Variants in PCDHA2 observed in about 807,000 individuals in gnomAD.
The protein encoded by PCDHA2 is protocadherin alpha 2.
In PCDHA2, 58 loss-of-function variants were observed where a neutral mutation model predicts 66.0. The observed-to-expected ratio is 0.88, with a 90% CI of 0.71 to 1.09. The LOEUF (loss-of-function observed/expected upper bound fraction) is 1.09, where lower values mean the gene tolerates loss of function less well. Among genes scored for constraint, PCDHA2 ranks in the 50% least tolerant of loss-of-function variants. The pLI is 0.00. For synonymous variants in PCDHA2, 634 were observed against 554.0 expected, an observed-to-expected ratio of 1.14 and a Z score of -2.03; for missense variants, 1,267 against 1,242.3, an observed-to-expected ratio of 1.02 and a Z score of -0.30.
In PCDHA2 at chr5:140,795,346, G is replaced by A; in HGVS notation, c.382G>A (p.Asp128Asn). ...HVEVEVKDIN[D>N]NPPIFPMTVK... ...GGAAGTGGAGGTGAAGGACATTAAC[G>A]ACAACCCGCCAATATTTCCAATGAC... is the stretch of plus-strand genomic sequence containing the variant. Residue 128 changes from aspartate to asparagine, a missense_variant, in exon 1 of 4, where the codon GAC becomes AAC. Coordinates refer to ENST00000526136, the MANE Select transcript of PCDHA2 (RefSeq NM_018905.3). 6.2e-7 allele frequency: 1 copy of A among 1,614,176 alleles called. No homozygotes were observed.
Position 140,853,860 on chromosome 5 carries a change from C to T in PCDHA2, c.2388+56508C>T, listed in dbSNP as rs2042890748. The T allele has an allele frequency of 9.1e-6, 9 of 984,410 alleles. No individual in the cohort carries two copies. In the South Asian group the frequency reaches 3.3e-4, roughly 36 times the overall value. The allele number at this position is 984,410 out of a possible 1,614,324, so 61.0% of individuals were successfully genotyped here. On this transcript the variant is annotated intron_variant, in intron 1 of 3. Coordinates refer to ENST00000526136, the MANE Select transcript of PCDHA2 (RefSeq NM_018905.3). ...TTTAGATCCATAGCCCTATTTGATA[C>T]TTGACAGTGCAAGTTTCTGTAATTT...
At chr5:140,926,573 A>C in intron 1 of PCDHA2, 2 of 265,974 alleles carry the variant, frequency 7.5e-6, no homozygotes. Context: ...TACTGGAGAC[A>C]GCACCTCTCG....
intron 3 of PCDHA2, among the ~76,000 whole-genome samples, chr5:141,000,421 ATTTTTTTT>A (rs34755515): frequency 1.4e-4 from 4 of 27,978 alleles, no homozygotes; most frequent in African/African-American, 7.1e-4. Flanking sequence ...ATATATATAT[ATTTTTTTT>A]TTTTTTTTTT....
chr5:140,954,383 T>C (rs1333017700), intron 1 of PCDHA2, among the ~76,000 whole-genome samples: 6 of 152,208 alleles, frequency 3.9e-5, no homozygotes, highest in African/African-American at 1.4e-4. Context: ...ATGAGTGAAC[T>C]AATTTACAAC....
chr5:140,961,694 G>A (rs1554225551), intron 1 of PCDHA2, among the ~76,000 whole-genome samples: 2 of 152,152 alleles, frequency 1.3e-5, no homozygotes, highest in Non-Finnish European at 2.9e-5. Flanking sequence ...GTAGTCCTTA[G>A]TATGAATGCC....
chr5:140,901,852 T>G (rs1184166361), intron 1 of PCDHA2, among the ~76,000 whole-genome samples: 3 of 152,206 alleles, frequency 2.0e-5, no homozygotes, highest in Non-Finnish European at 4.4e-5. Flanking sequence ...TCTTTCCATT[T>G]TTTTGTGTCC....
At chr5:140,805,994 A>G (rs1172638535) in intron 1 of PCDHA2, among the ~76,000 whole-genome samples, 1 of 152,196 alleles carries the variant, frequency 6.6e-6, no homozygotes, top group Non-Finnish European at 1.5e-5. Flanking sequence ...TATTCCAAAA[A>G]AGGACACACA....
At chr5:140,875,457 G>T in intron 1 of PCDHA2, 3 of 1,595,968 alleles carry the variant, frequency 1.9e-6, no homozygotes, top group Non-Finnish European at 2.6e-6. Flanking sequence ...CAACTCAGAG[G>T]CCCTCATTTT....
chr5:140,795,516 A>C lies in PCDHA2; in HGVS notation c.552A>C (p.Ala184=). The C allele has an allele frequency of 6.2e-7, 1 of 1,614,198 alleles. No homozygotes were observed. Among genetic ancestry groups the C allele is most frequent in the South Asian group, 1.1e-5 (1 of 91,072 alleles). The part of the protein sequence containing the change: ...SSEFFFLDIQ[A]NDELSESLSL... ...AGTTTTTCTTCCTAGATATACAGGC[A>C]AATGATGAACTAAGCGAATCTTTGT... Residue 184 remains alanine, a synonymous_variant, in exon 1 of 4, where the codon GCA becomes GCC. Transcript: ENST00000526136.
chr5:140,849,565 T>C (rs2040964471), intron 1 of PCDHA2: 4 of 1,598,566 alleles, frequency 2.5e-6, no homozygotes, highest in South Asian at 2.2e-5. Context: ...ACGCTCTCGG[T>C]TCCTGTAAAA....
Position 140,796,267 on chromosome 5 carries a change from C to G in PCDHA2, c.1303C>G (p.Leu435Val), listed in dbSNP as rs1554119803. ...VTARDGGSPSLWATTSVSIEV... is the reference protein window; with the variant it reads ...VTARDGGSPSVWATTSVSIEV... Reference sequence around the variant, plus strand: ...CGCACGGGACGGGGGCTCGCCTTCACTGTGGGCCACCACCAGCGTGTCCAT... The same window carrying G: ...CGCACGGGACGGGGGCTCGCCTTCAGTGTGGGCCACCACCAGCGTGTCCAT... The change falls in exon 1 of 4, where the codon CTG (leucine) becomes GTG (valine). Residue 435 changes from leucine (L) to valine (V), a missense_variant. Physicochemically the swap from Leu to Val is conservative, Grantham distance 32. Transcript: ENST00000526136. The G allele has an allele frequency of 6.2e-7, 1 of 1,614,124 alleles. No individual in the cohort carries two copies. Among genetic ancestry groups the G allele is most frequent in the Admixed American group, 1.7e-5 (1 of 60,034 alleles).
chr5:140,815,543 ATAGT>A (rs1234366638), intron 1 of PCDHA2: 1 of 124,338 alleles, frequency 8.0e-6, no homozygotes, highest in East Asian at 2.3e-4. Flanking sequence ...ACATTATTTT[ATAGT>A]TAGTTTTTCT....
chr5:140,824,431 G>A (rs1581810357), intron 1 of PCDHA2: 2 of 491,526 alleles, frequency 4.1e-6, no homozygotes, highest in Non-Finnish European at 7.1e-6. Context: ...CATTCTCAAA[G>A]TTTCAGTTTA....
At chr5:140,838,343 C>T (rs1262099993) in intron 1 of PCDHA2, among the ~76,000 whole-genome samples, 5 of 148,174 alleles carry the variant, frequency 3.4e-5, no homozygotes, top group African/African-American at 1.0e-4. Context: ...CGGCTGGTCT[C>T]GAAATCTGGG....
chr5:140,871,649 G>A (rs781859029), intron 1 of PCDHA2: 23 of 1,265,706 alleles, frequency 1.8e-5, no homozygotes, highest in Admixed American at 8.7e-5. Flanking sequence ...AATACCAAAT[G>A]ATACACATCT....
At position 140,856,042 on chromosome 5, in the gene PCDHA2, G is replaced by A. The variant is rs149114226; in HGVS notation, c.2388+58690G>A. On this transcript the variant is annotated intron_variant, in intron 1 of 3. Transcript: ENST00000526136. ...TTCGTCGATTTGTAAAACAAGAGAA[G>A]GATAAGATGGTTTCCAGATGTAGCT... 68 of 1,579,466 alleles carry A rather than the reference G, an allele frequency of 4.3e-5. 8 individuals carry two copies. The Admixed American group carries it at 1.1e-3, about 26-fold the overall frequency.
intron 1 of PCDHA2, among the ~76,000 whole-genome samples, chr5:140,951,327 C>T (rs782778063): frequency 5.3e-5 from 8 of 152,026 alleles, no homozygotes; most frequent in Non-Finnish European, 8.8e-5. Context: ...TGAGATTCAT[C>T]ATTCTGTTTG....
chr5:140,922,326 G>A (rs2080778185), intron 1 of PCDHA2, among the ~76,000 whole-genome samples: 1 of 152,212 alleles, frequency 6.6e-6, no homozygotes, highest in Admixed American at 6.5e-5. Context: ...ATCTTGGAAA[G>A]GGTTGGTATA....
chr5:140,972,832 T>G (rs1209140344), intron 1 of PCDHA2, among the ~76,000 whole-genome samples: 9 of 151,882 alleles, frequency 5.9e-5, no homozygotes. Flanking sequence ...CCTGGCTAAT[T>G]TTTGTATTTT....
Sources: gnomAD v4.1 joint callset for allele counts (sites outside exome capture counted in the v4.1 genomes callset) on GRCh38, gnomAD v4.1.1 for gene constraint, MANE v1.5 for transcripts, NCBI Gene and HGNC (gene_info 2026-07-23, HGNC 2026-07-21) for gene names.